Variants in PPP4C observed in about 807,000 individuals in gnomAD.
PPP4C encodes the protein serine/threonine-protein phosphatase 4 catalytic subunit.
PPP4C carries 10 observed loss-of-function variants against 40.5 expected under a neutral mutation model. The ratio of observed to expected loss-of-function variants is 0.25; its 90% CI spans 0.15 to 0.42. The LOEUF (loss-of-function observed/expected upper bound fraction) is 0.42. PPP4C is among the 10% of genes least tolerant of loss of function. PPP4C has a pLI of 1.00. For missense variants in PPP4C, 191 were observed against 416.4 expected (o/e 0.46, Z 4.71); for synonymous variants, 187 against 163.6 (o/e 1.14, Z -1.09).
chr16:30,081,175 A>G (rs1311684053), intron 2 of PPP4C, 84 bp from the exon 3 acceptor site: 4 of 1,597,880 alleles, frequency 2.5e-6, no homozygotes, highest in South Asian at 1.1e-5. Context: ...GGACTGCCTC[A>G]TATCCTCCCC....
rs1034553367 is a variant in PPP4C at position 30,076,906 on chromosome 16, G to A, written c.98+431G>A. Among the ~76,000 whole-genome samples, 6 of 152,198 alleles carry A rather than the reference G, an allele frequency of 3.9e-5. No homozygotes were observed. In the East Asian group the frequency reaches 9.6e-4, roughly 24 times the overall value. On this transcript the variant is annotated intron_variant, in intron 2 of 8. Transcript: ENST00000279387. Reference sequence around the variant, plus strand: ...TAATTACAACAACCCTTAAAGATTGGTGGTATTGTACTCATTTTACAGGTG... The same window carrying A: ...TAATTACAACAACCCTTAAAGATTGATGGTATTGTACTCATTTTACAGGTG...
chr16:30,083,563 G>T lies in PPP4C; in HGVS notation c.473G>T (p.Gly158Val). 6.2e-7 allele frequency: 1 copy of T among 1,614,100 alleles called. No individual in the cohort carries two copies. The highest frequency in any genetic ancestry group is 8.5e-7 in the Non-Finnish European group (1 of 1,179,982). The change falls in exon 6 of 9, where the codon GGC (glycine) becomes GTC (valine). Residue 158 changes from glycine to valine, a missense_variant. Transcript: ENST00000279387. The surrounding 1 kb of genome is among the most constrained non-coding windows in gnomAD (Gnocchi z 6.3). ...DYLSLSAIID[G>V]KIFCVHGGLS... ...CTCAGCCTGTCAGCCATCATCGATGGCAAGGTAAGCCAGCCCAGGGCTCCA... is the reference window on the plus strand; with the variant it reads ...CTCAGCCTGTCAGCCATCATCGATGTCAAGGTAAGCCAGCCCAGGGCTCCA...
chr16:30,082,053 TA>T (rs760700971), intron 3 of PPP4C, among the ~76,000 whole-genome samples: 374 of 120,326 alleles, frequency 3.1e-3, no homozygotes, highest in Admixed American at 4.5e-3. Flanking sequence ...AGACTCCGTC[TA>T]AAAAAAAAAA....
In PPP4C at chr16:30,085,242, C is replaced by T. The variant is rs1182998345; in HGVS notation, c.*180C>T. 9.0e-6 allele frequency: 5 copies of T among 555,300 alleles called. No individual in the cohort carries two copies. The highest frequency in any genetic ancestry group is 1.5e-5 in the Non-Finnish European group (5 of 326,918). The allele number at this position is 555,300 out of a possible 1,614,324, so 34.4% of individuals were successfully genotyped here. ...CCTGGAGACCTAGCTCCATGTTCCT[C>T]CTCCTCTCTCCCCACTTGAACCATG... On this transcript the variant is annotated 3_prime_UTR_variant, in exon 9 of 9. Transcript: ENST00000279387.
chr16:30,081,368 CTCT>C (rs1567334583), intron 3 of PPP4C, 58 bp downstream of exon 3: 3 of 1,455,462 alleles, frequency 2.1e-6, no homozygotes, highest in Non-Finnish European at 2.9e-6. Flanking sequence ...ATGAAGTTTC[CTCT>C]TCATCTTGGG....
At chr16:30,082,279 G>T (rs544711498) in intron 3 of PPP4C, among the ~76,000 whole-genome samples, 51 of 152,290 alleles carry the variant, frequency 3.3e-4, no homozygotes, top group Admixed American at 1.5e-3. Flanking sequence ...TCTAGCTCTT[G>T]CCTACAGAAT....
intron 2 of PPP4C, among the ~76,000 whole-genome samples, chr16:30,079,874 G>A (rs945022056): frequency 2.6e-5 from 4 of 152,142 alleles, no homozygotes; most frequent in African/African-American, 9.7e-5. Flanking sequence ...TATCCCACCT[G>A]TGTCACTGGC....
Position 30,083,324 on chromosome 16 carries a change from C to T in PPP4C, c.304-70C>T, listed in dbSNP as rs1020887465. On this transcript the variant is annotated intron_variant, in intron 5 of 8. Transcript: ENST00000279387. The surrounding 1 kb of genome is among the most constrained non-coding windows in gnomAD (Gnocchi z 6.3). ...TGTGAGGATGGCAGGCTGGCGGGCA[C>T]GAGGAGGTCAGAGAGGGATGTGTGG... is the stretch of plus-strand genomic sequence containing the variant. The T allele has an allele frequency of 1.9e-5, 29 of 1,522,962 alleles. No individual in the cohort carries two copies. Among genetic ancestry groups the T allele is most frequent in the Middle Eastern group, 2.3e-4 (1 of 4,354 alleles). The allele number at this position is 1,522,962 out of a possible 1,614,324, so 94.3% of individuals were successfully genotyped here. A position where few individuals can be genotyped will look rare whatever the true frequency, so the allele number is the denominator to read the frequency against.
chr16:30,082,808 C>G lies in PPP4C; in HGVS notation c.264C>G (p.Phe88Leu). Residue 88 changes from phenylalanine (F) to leucine (L), a missense_variant, in exon 5 of 9, where the codon TTC becomes TTG. Physicochemically the swap from Phe to Leu is conservative, Grantham distance 22 (BLOSUM62 0). This residue lies in a region of PPP4C where 171 missense variants were observed against 352.4 expected (regional missense o/e 0.49). Coordinates refer to ENST00000279387, the MANE Select transcript of PPP4C (RefSeq NM_002720.3). Reference protein sequence around the residue: ...LFMGDFVDRGFYSVETFLLLL... With the variant: ...LFMGDFVDRGLYSVETFLLLL... ...TGGGGGACTTTGTGGACCGTGGCTT[C>G]TATAGCGTCGAAACGTTCCTCCTGC... The G allele has an allele frequency of 6.2e-7, 1 of 1,614,132 alleles. No individual in the cohort carries two copies. The highest frequency in any genetic ancestry group is 8.5e-7 in the Non-Finnish European group (1 of 1,180,024).
At chr16:30,084,205 A>G (rs1440155344) in intron 7 of PPP4C, among the ~76,000 whole-genome samples, 1 of 152,156 alleles carries the variant, frequency 6.6e-6, no homozygotes, top group Admixed American at 6.5e-5. Context: ...GCAGACACAC[A>G]CACACATACA....
chr16:30,085,144 G>C lies in PPP4C; in HGVS notation c.*82G>C, dbSNP rs984630125. 5 of 1,498,950 alleles carry C rather than the reference G, an allele frequency of 3.3e-6. No individual in the cohort carries two copies. The Admixed American group carries it at 5.5e-5, about 16-fold the overall frequency. The allele number at this position is 1,498,950 out of a possible 1,614,324, so 92.9% of individuals were successfully genotyped here. On this transcript the variant is annotated 3_prime_UTR_variant, in exon 9 of 9. Coordinates refer to ENST00000279387, the MANE Select transcript of PPP4C (RefSeq NM_002720.3). ...GCCATCTTCCTCAGACGGAGGCTGG[G>C]CGTGGGGGGGGCTGTCCTGGCTCTG...
In PPP4C at chr16:30,078,018, T is replaced by C. The variant is rs1277596801; in HGVS notation, c.98+1543T>C. On this transcript the variant is annotated intron_variant, in intron 2 of 8. Transcript: ENST00000279387. ...GACCAGACCAGCCCCATGGTGTTTT[T>C]AGTTGTCCCCTTTCCCTCAGTCCTG... 4.6e-5 allele frequency among the ~76,000 whole-genome samples: 7 copies of C among 152,350 alleles called. No individual in the cohort carries two copies. The East Asian group carries it at 1.3e-3, about 29-fold the overall frequency.
Position 30,083,624 on chromosome 16 carries a change from C to A in PPP4C, c.478-31C>A, listed in dbSNP as rs1481156131. 1.2e-6 allele frequency: 2 copies of A among 1,614,044 alleles called. No homozygotes were observed. The highest frequency in any genetic ancestry group is 2.2e-5 in the South Asian group (2 of 91,088). On this transcript the variant is annotated intron_variant, in intron 6 of 8. Transcript: ENST00000279387. The surrounding 1 kb of genome is among the most constrained non-coding windows in gnomAD (Gnocchi z 6.3). The stretch of plus-strand genomic sequence containing the variant: ...AGAGGAGGGGGGCTTCAGGCCTCAG[C>A]CCCGTCCTCTTTCCCTGCTCTCCCC...
At chr16:30,077,070 G>A (rs1036838801) in intron 2 of PPP4C, among the ~76,000 whole-genome samples, 4 of 152,106 alleles carry the variant, frequency 2.6e-5, no homozygotes, top group African/African-American at 9.7e-5. Flanking sequence ...CTGAGAAATC[G>A]TAGCAAGTAA....
chr16:30,082,414 G>A (rs1367026302), intron 3 of PPP4C, 70 bp from the exon 4 acceptor site: 16 of 1,453,214 alleles, frequency 1.1e-5, no homozygotes, highest in East Asian at 2.3e-5. Context: ...CTAAAGCAGC[G>A]GGTGTTTGGA....
intron 4 of PPP4C, 53 bp downstream of exon 4, chr16:30,082,587 C>T (rs2072531707): frequency 6.3e-7 from 1 of 1,591,978 alleles, no homozygotes; most frequent in Non-Finnish European, 8.6e-7. Context: ...CTGGAAGACC[C>T]CTGTAATTGA....
intron 4 of PPP4C, 27 bp from the exon 5 acceptor site, chr16:30,082,719 A>G (rs745817641): frequency 3.1e-6 from 5 of 1,601,912 alleles, no homozygotes; most frequent in Non-Finnish European, 4.3e-6. Flanking sequence ...TGTTTACGAC[A>G]GGGCAAAACT....
intron 2 of PPP4C, among the ~76,000 whole-genome samples, chr16:30,078,206 C>T (rs146217581): frequency 6.6e-6 from 1 of 152,326 alleles, no homozygotes; most frequent in Admixed American, 6.5e-5. Flanking sequence ...TATATTCAGT[C>T]TCCATGGCTC....
intron 3 of PPP4C, chr16:30,081,552 C>T (rs2072506426): frequency 2.6e-6 from 1 of 378,390 alleles, no homozygotes. Flanking sequence ...CGAGACCAGC[C>T]TGGCCAACAT....
Sources: gnomAD v4.1 joint callset for allele counts (sites outside exome capture counted in the v4.1 genomes callset) on GRCh38, gnomAD v4.1.1 for gene constraint, gnomAD v4.1.1 regional missense constraint, Gnocchi (gnomAD v3.1) non-coding constraint, MANE v1.5 for transcripts, NCBI Gene and HGNC (gene_info 2026-07-23, HGNC 2026-07-21) for gene names.